Variants in TET2 observed in about 807,000 individuals in gnomAD.
TET2 encodes the protein tet methylcytosine dioxygenase 2, also known as methylcytosine dioxygenase TET2.
In TET2, 299 loss-of-function variants were observed where a neutral mutation model predicts 142.9. That is an observed-to-expected ratio of 2.09 (90% confidence interval 1.90 to 2.30). The LOEUF is 2.30. Among genes scored for constraint, TET2 ranks in the 30% most tolerant of loss-of-function variants. The probability of loss-of-function intolerance (pLI) is 0.00; values close to 1 mark genes in which losing one functional copy is unlikely to be tolerated. For synonymous variants in TET2, 819 were observed against 849.0 expected (o/e 0.96, Z 0.61); for missense variants, 2,418 against 2,378.0 (o/e 1.02, Z -0.35).
intron 6 of TET2, among the ~76,000 whole-genome samples, chr4:105,254,186 G>A (rs1434575841): frequency 6.6e-6 from 1 of 152,160 alleles, no homozygotes; most frequent in South Asian, 2.1e-4. Flanking sequence ...TGAGATTGTA[G>A]AGAATTCATA....
intron 2 of TET2, among the ~76,000 whole-genome samples, chr4:105,223,858 G>C (rs987831927): frequency 6.6e-6 from 1 of 152,110 alleles, no homozygotes; most frequent in Non-Finnish European, 1.5e-5. Context: ...CCGTAAGTTT[G>C]ATCCTGAAAC....
intron 6 of TET2, among the ~76,000 whole-genome samples, chr4:105,251,501 TCTC>T (rs1211652764): frequency 3.9e-5 from 6 of 152,202 alleles, no homozygotes; most frequent in African/African-American, 1.4e-4. Context: ...CATGCGTTCT[TCTC>T]CTTTATTCTA....
intron 1 of TET2, among the ~76,000 whole-genome samples, chr4:105,162,075 G>A (rs1019418260): frequency 3.3e-5 from 5 of 152,158 alleles, no homozygotes; most frequent in African/African-American, 1.2e-4. Flanking sequence ...TATGTTGAAA[G>A]TGCACAGAAT....
At chr4:105,174,166 A>G (rs935594892) in intron 1 of TET2, among the ~76,000 whole-genome samples, 6 of 152,166 alleles carry the variant, frequency 3.9e-5, no homozygotes, top group Non-Finnish European at 7.4e-5. Context: ...AAGAGCAAAT[A>G]CATGTATGAA....
chr4:105,153,604 C>T (rs1270761550), intron 1 of TET2, among the ~76,000 whole-genome samples: 1 of 151,934 alleles, frequency 6.6e-6, no homozygotes, highest in Non-Finnish European at 1.5e-5. Context: ...TATTCTTATC[C>T]CTATTTATGA....
chr4:105,164,569 C>T (rs957458578), intron 1 of TET2, among the ~76,000 whole-genome samples: 3 of 152,202 alleles, frequency 2.0e-5, no homozygotes, highest in Non-Finnish European at 4.4e-5. Context: ...CTTTACCCTT[C>T]TGGAATATAC....
chr4:105,217,205 A>C (rs59444136), intron 2 of TET2, among the ~76,000 whole-genome samples: 13,573 of 152,110 alleles, frequency 0.089, 681 homozygotes, highest in African/African-American at 0.11. Context: ...ATGGTGAAAA[A>C]AAAAAGTTAT....
intron 10 of TET2, among the ~76,000 whole-genome samples, chr4:105,273,340 A>G (rs1417121790): frequency 6.6e-6 from 1 of 152,262 alleles, no homozygotes; most frequent in Non-Finnish European, 1.5e-5. Flanking sequence ...AAACATGGAA[A>G]AGTCTGGATT....
At chr4:105,171,114 G>A (rs1482098071) in intron 1 of TET2, among the ~76,000 whole-genome samples, 2 of 151,962 alleles carry the variant, frequency 1.3e-5, no homozygotes, top group African/African-American at 4.8e-5. Context: ...TCTTCCTGCT[G>A]TTATTGCTGG....
chr4:105,276,324 C>G lies in TET2; in HGVS notation c.5814C>G (p.Asp1938Glu). 1 of 1,551,650 alleles carries G rather than the reference C, an allele frequency of 6.4e-7. No individual in the cohort carries two copies. Among genetic ancestry groups the G allele is most frequent in the Non-Finnish European group, 8.7e-7 (1 of 1,146,978 alleles). ...KEEECEKYGP[D>E]YVPQKSHGKK... Reference sequence around the variant, plus strand: ...AAGAGTGTGAAAAGTATGGCCCAGACTATGTGCCTCAGAAATCCCATGGCA... The same window carrying G: ...AAGAGTGTGAAAAGTATGGCCCAGAGTATGTGCCTCAGAAATCCCATGGCA... The change falls in exon 11 of 11, where the codon GAC (aspartate) becomes GAG (glutamate). Residue 1938 changes from aspartate (D) to glutamate (E), a missense_variant. Coordinates refer to ENST00000380013, the MANE Select transcript of TET2 (RefSeq NM_001127208.3).
intron 2 of TET2, among the ~76,000 whole-genome samples, chr4:105,211,132 CT>C (rs1425553860): frequency 1.3e-5 from 2 of 152,164 alleles, no homozygotes; most frequent in African/African-American, 2.4e-5. Flanking sequence ...GCCTTTTGTA[CT>C]TTTGTTCCCT....
At chr4:105,162,107 C>T (rs1239570938) in intron 1 of TET2, among the ~76,000 whole-genome samples, 1 of 152,152 alleles carries the variant, frequency 6.6e-6, no homozygotes, top group Non-Finnish European at 1.5e-5. Context: ...TTTGTATAAA[C>T]TGTTTTTATA....
chr4:105,184,691 G>C (rs1233372671), intron 1 of TET2, among the ~76,000 whole-genome samples: 1 of 151,964 alleles, frequency 6.6e-6, no homozygotes, highest in Non-Finnish European at 1.5e-5. Flanking sequence ...TTTAGGCACT[G>C]TACAGTTGGA....
At chr4:105,211,382 C>T (rs916886658) in intron 2 of TET2, among the ~76,000 whole-genome samples, 1 of 152,156 alleles carries the variant, frequency 6.6e-6, no homozygotes, top group African/African-American at 2.4e-5. Context: ...TCCAGACTAT[C>T]TTGTTCATCC....
Position 105,275,864 on chromosome 4 carries a change from A to G in TET2, c.5354A>G (p.Lys1785Arg). The G allele has an allele frequency of 1.9e-6, 3 of 1,551,988 alleles. No individual in the cohort carries two copies. Among genetic ancestry groups the G allele is most frequent in the Non-Finnish European group, 2.6e-6 (3 of 1,147,032 alleles). Residue 1785 changes from lysine (K) to arginine (R), a missense_variant, in exon 11 of 11, where the codon AAG becomes AGG. Lys to Arg is a conservative substitution (Grantham distance 26). Transcript: ENST00000380013. Reference sequence around the variant, plus strand: ...CTTCATGCCCTGCATCTCCAAAACAAGGAGAATGACATGCTTTCCCACACA... The same window carrying G: ...CTTCATGCCCTGCATCTCCAAAACAGGGAGAATGACATGCTTTCCCACACA... ...SSLHALHLQN[K>R]ENDMLSHTAN...
chr4:105,255,251 T>G (rs1226645062), intron 6 of TET2, among the ~76,000 whole-genome samples: 2 of 152,248 alleles, frequency 1.3e-5, no homozygotes, highest in African/African-American at 2.4e-5. Flanking sequence ...TTCTAATTTC[T>G]ATCATGTTTT....
chr4:105,187,017 A>G (rs1000725096), intron 1 of TET2, among the ~76,000 whole-genome samples: 1 of 152,134 alleles, frequency 6.6e-6, no homozygotes, highest in African/African-American at 2.4e-5. Context: ...TTTCTCCTTG[A>G]TAGTTTGCCA....
intron 1 of TET2, among the ~76,000 whole-genome samples, chr4:105,160,892 C>A (rs1486933166): frequency 6.6e-6 from 1 of 152,114 alleles, no homozygotes; most frequent in Non-Finnish European, 1.5e-5. Flanking sequence ...TTCTCTGCCT[C>A]AGGCTTCGGA....
chr4:105,177,661 C>T (rs1489253700), intron 1 of TET2: 3 of 152,234 alleles, frequency 2.0e-5, no homozygotes, highest in Admixed American at 2.0e-4. Context: ...CAACAGGAAC[C>T]TTCATTCATT....
Sources: allele counts gnomAD v4.1 joint callset (sites outside exome capture counted in the v4.1 genomes callset), GRCh38; gene constraint gnomAD v4.1.1; transcripts MANE v1.5; gene names NCBI Gene and HGNC (gene_info 2026-07-23, HGNC 2026-07-21).